ATXN1: variants seen among roughly 807,000 people sequenced by gnomAD.
ATXN1 encodes the protein ataxin 1, also known as ataxin-1.
In ATXN1, 8 loss-of-function variants were observed where a neutral mutation model predicts 56.4. The observed-to-expected ratio is 0.14, with a 90% confidence interval of 0.08 to 0.26. The LOEUF is 0.26. ATXN1 is among the 10% of genes least tolerant of loss of function. The probability of loss-of-function intolerance (pLI) is 1.00; values close to 1 mark genes in which losing one functional copy is unlikely to be tolerated. For synonymous variants in ATXN1, 514 were observed against 494.6 expected (o/e 1.04, Z -0.52); for missense variants, 987 against 1,106.5 (o/e 0.89, Z 1.53).
At chr6:16,626,200 A>C (rs764789817) in intron 3 of ATXN1, among the ~76,000 whole-genome samples, 1 of 152,262 alleles carries the variant, frequency 6.6e-6, no homozygotes, top group Non-Finnish European at 1.5e-5. Flanking sequence ...ATATTATTGC[A>C]AAGTTAACAT....
chr6:16,503,797 T>C (rs1379799362), intron 5 of ATXN1, among the ~76,000 whole-genome samples: 1 of 152,172 alleles, frequency 6.6e-6, no homozygotes, highest in Admixed American at 6.5e-5. Context: ...TAAATATACA[T>C]ATATATTACA....
At chr6:16,545,863 T>C (rs1761805722) in intron 4 of ATXN1, among the ~76,000 whole-genome samples, 2 of 152,234 alleles carry the variant, frequency 1.3e-5, no homozygotes, top group South Asian at 2.1e-4. Context: ...TAAAGTACTC[T>C]AATCTTTTGT....
chr6:16,561,793 A>C (rs767675086), intron 4 of ATXN1, among the ~76,000 whole-genome samples: 3 of 152,148 alleles, frequency 2.0e-5, no homozygotes, highest in Non-Finnish European at 4.4e-5. Context: ...CCAGAGATGC[A>C]ACAGAAGCAG....
chr6:16,497,548 G>C (rs954381614), intron 5 of ATXN1, among the ~76,000 whole-genome samples: 1 of 152,150 alleles, frequency 6.6e-6, no homozygotes, highest in Admixed American at 6.5e-5. Flanking sequence ...ATTCTTGTTC[G>C]TGTGACTTTC....
intron 5 of ATXN1, among the ~76,000 whole-genome samples, chr6:16,494,486 T>C (rs1465043808): frequency 6.6e-6 from 1 of 152,210 alleles, no homozygotes; most frequent in Non-Finnish European, 1.5e-5. Context: ...CTCAAAGGTT[T>C]TTTAAAAAAA....
At chr6:16,617,676 A>T (rs1001081097) in intron 3 of ATXN1, among the ~76,000 whole-genome samples, 5 of 147,892 alleles carry the variant, frequency 3.4e-5, no homozygotes, top group African/African-American at 1.0e-4. Flanking sequence ...CTGAGGCAGG[A>T]GAATGGCCTG....
intron 6 of ATXN1, among the ~76,000 whole-genome samples, chr6:16,391,080 TGA>T (rs1758345204): frequency 7.0e-6 from 1 of 142,668 alleles, no homozygotes; most frequent in African/African-American, 2.7e-5. Flanking sequence ...GAGAATCACA[TGA>T]ACCTGGGAGG....
chr6:16,659,625 A>G (rs907588516), intron 2 of ATXN1, among the ~76,000 whole-genome samples: 1 of 152,202 alleles, frequency 6.6e-6, no homozygotes, highest in African/African-American at 2.4e-5. Context: ...CAGAAAGTTA[A>G]TATGTACTTT....
At chr6:16,450,331 T>G (rs186978463) in intron 6 of ATXN1, among the ~76,000 whole-genome samples, 1 of 152,230 alleles carries the variant, frequency 6.6e-6, no homozygotes. Flanking sequence ...TGGGAGCAAG[T>G]AGGCAAAGCC....
At chr6:16,365,236 G>GTGCAACCTTGGCTTAC (rs1761894966) in intron 6 of ATXN1, among the ~76,000 whole-genome samples, 1 of 152,116 alleles carries the variant, frequency 6.6e-6, no homozygotes, top group Non-Finnish European at 1.5e-5. Flanking sequence ...GAGTGCAGTG[G>GTGCAACCTTGGCTTAC]TGCAACCTTG....
At chr6:16,456,461 C>T (rs1323574688) in intron 6 of ATXN1, among the ~76,000 whole-genome samples, 1 of 152,200 alleles carries the variant, frequency 6.6e-6, no homozygotes, top group Non-Finnish European at 1.5e-5. Context: ...TGTTTGGAGT[C>T]AGGAGCATTG....
chr6:16,739,532 G>T, intron 2 of ATXN1: 1 of 240,950 alleles, frequency 4.2e-6, no homozygotes, highest in Non-Finnish European at 8.8e-6. Flanking sequence ...CTTTTTTCTA[G>T]TGTATTTGTG....
intron 4 of ATXN1, among the ~76,000 whole-genome samples, chr6:16,558,840 C>T (rs1360069235): frequency 6.6e-6 from 1 of 151,372 alleles, no homozygotes; most frequent in African/African-American, 2.4e-5. Context: ...AACATAAAGT[C>T]AAAAGACAAA....
intron 2 of ATXN1, among the ~76,000 whole-genome samples, chr6:16,669,510 A>C (rs998781165): frequency 1.3e-5 from 2 of 152,142 alleles, no homozygotes; most frequent in Non-Finnish European, 2.9e-5. Context: ...ATAGTTCACA[A>C]AGCACTGTTC....
Position 16,301,941 on chromosome 6 carries a change from T to G in ATXN1, c.*4388A>C, listed in dbSNP as rs1297910987. Reference sequence around the variant, plus strand: ...TTAAAGGGTATTGTCAATCGTTTCCTTAAAAAACAAAACAAAACAAAATCC... The same window carrying G: ...TTAAAGGGTATTGTCAATCGTTTCCGTAAAAAACAAAACAAAACAAAATCC... On this transcript the variant is annotated 3_prime_UTR_variant, in exon 8 of 8. Transcript: ENST00000436367. The G allele has an allele frequency of 6.5e-6, 1 of 152,724 alleles. No homozygotes were observed. The highest frequency in any genetic ancestry group is 1.5e-5 in the Non-Finnish European group (1 of 68,056). 9.5% of individuals were successfully genotyped at this position (152,724 alleles called of 1,614,324 possible).
At chr6:16,573,634 G>C (rs1762370977) in intron 4 of ATXN1, among the ~76,000 whole-genome samples, 1 of 152,134 alleles carries the variant, frequency 6.6e-6, no homozygotes, top group South Asian at 2.1e-4. Context: ...TCCTCCGCCA[G>C]GTCTTAGTGA....
intron 3 of ATXN1, among the ~76,000 whole-genome samples, chr6:16,590,899 A>G (rs933409159): frequency 1.3e-5 from 2 of 151,200 alleles, no homozygotes; most frequent in Admixed American, 6.6e-5. Flanking sequence ...CTGGAGTGCA[A>G]TGGCGCAATC....
chr6:16,531,381 G>A (rs2113706518), intron 4 of ATXN1, among the ~76,000 whole-genome samples: 1 of 152,296 alleles, frequency 6.6e-6, no homozygotes, highest in Admixed American at 6.5e-5. Flanking sequence ...CTAACACTTT[G>A]GGAGGCCGAG....
At chr6:16,530,117 CATATAA>C (rs1761473891) in intron 4 of ATXN1, among the ~76,000 whole-genome samples, 1 of 152,096 alleles carries the variant, frequency 6.6e-6, no homozygotes, top group African/African-American at 2.4e-5. Flanking sequence ...GGAATTAAAA[CATATAA>C]ATATAAAAAT....
Sources: allele counts gnomAD v4.1 joint callset (sites outside exome capture counted in the v4.1 genomes callset), GRCh38; gene constraint gnomAD v4.1.1; transcripts MANE v1.5; gene names NCBI Gene and HGNC (gene_info 2026-07-23, HGNC 2026-07-21).